Variants in IL1RAPL1 observed in about 807,000 individuals in gnomAD.
IL1RAPL1 encodes interleukin-1 receptor accessory protein-like 1.
A neutral mutation model predicts 48.4 loss-of-function variants in IL1RAPL1; 3 were observed. That is an observed-to-expected ratio of 0.06 (90% CI 0.03 to 0.16). IL1RAPL1 has a LOEUF of 0.16. IL1RAPL1 is among the 10% of genes least tolerant of loss of function. The pLI is 1.00. For synonymous variants in IL1RAPL1, 185 were observed against 187.7 expected, an observed-to-expected ratio of 0.99 and a Z score of 0.12; for missense variants, 349 against 530.6, an observed-to-expected ratio of 0.66 and a Z score of 3.36.
chrX:29,525,255 A>C (rs1019172611), intron 5 of IL1RAPL1, among the ~76,000 whole-genome samples: 1 of 112,270 alleles, frequency 8.9e-6, no homozygotes, highest in Non-Finnish European at 1.9e-5. Context: ...CGAATACCTT[A>C]CTGAATCTGA....
chrX:29,101,861 C>T (rs1057207921), intron 2 of IL1RAPL1, among the ~76,000 whole-genome samples: 5 of 111,308 alleles, frequency 4.5e-5, no homozygotes, highest in African/African-American at 9.8e-5. Flanking sequence ...TGCTTGAACC[C>T]GGGAGGCGGA....
intron 5 of IL1RAPL1, among the ~76,000 whole-genome samples, chrX:29,584,091 C>T (rs146063342): frequency 9.0e-6 from 1 of 111,449 alleles, no homozygotes; most frequent in African/African-American, 3.3e-5. Flanking sequence ...CTTCAGCCTA[C>T]AGCCCTGATC....
At chrX:28,913,659 C>G (rs1351783889) in intron 2 of IL1RAPL1, among the ~76,000 whole-genome samples, 3 of 110,896 alleles carry the variant, frequency 2.7e-5, no homozygotes, top group Non-Finnish European at 5.7e-5. Flanking sequence ...TCATTGCACT[C>G]CAGCCTGGGT....
At position 29,387,291 on chromosome X, in the gene IL1RAPL1, T is replaced by C. The variant is rs191565595; in HGVS notation, c.363-8967T>C. Among the ~76,000 whole-genome samples, 274 of 112,392 alleles carry C rather than the reference T, an allele frequency of 2.4e-3. 1 individual carries two copies. The highest frequency in any genetic ancestry group is 8.5e-3 in the African/African-American group (265 of 31,009). On this transcript the variant is annotated intron_variant, in intron 3 of 10. Coordinates refer to ENST00000378993, the MANE Select transcript of IL1RAPL1 (RefSeq NM_014271.4). ...TTATAGATGAAGAATATCTTGTTTT[T>C]CCAGATGCAGATAGTCTGTTATGTT... is the stretch of plus-strand genomic sequence containing the variant.
At chrX:28,834,806 A>G (rs1217269741) in intron 2 of IL1RAPL1, among the ~76,000 whole-genome samples, 1 of 111,359 alleles carries the variant, frequency 9.0e-6, no homozygotes, top group Non-Finnish European at 1.9e-5. Flanking sequence ...GGGAGCGGCC[A>G]ACTGGGGATT....
intron 1 of IL1RAPL1, among the ~76,000 whole-genome samples, chrX:28,612,363 A>G (rs1245495815): frequency 5.3e-5 from 6 of 112,328 alleles, no homozygotes. Context: ...GAAGAGGCCC[A>G]TAGAGGCCCT....
At chrX:29,365,744 AAAAG>A (rs1301679717) in intron 3 of IL1RAPL1, among the ~76,000 whole-genome samples, 1 of 109,735 alleles carries the variant, frequency 9.1e-6, no homozygotes, top group African/African-American at 3.3e-5. Context: ...ACTTTTTTAA[AAAAG>A]AAAGAAATGG....
At chrX:28,634,315 T>TTATA (rs201831285) in intron 1 of IL1RAPL1, among the ~76,000 whole-genome samples, 4 of 108,137 alleles carry the variant, frequency 3.7e-5, no homozygotes, top group African/African-American at 1.4e-4. Context: ...TTTTGGTTAT[T>TTATA]TATATATATA....
At chrX:29,395,108 G>A (rs1005505073) in intron 3 of IL1RAPL1, among the ~76,000 whole-genome samples, 3 of 111,521 alleles carry the variant, frequency 2.7e-5, no homozygotes, top group African/African-American at 6.5e-5. Context: ...CCTATGACAG[G>A]CCAAGCAGAT....
At chrX:28,792,816 AATAT>A (rs1555924328) in intron 2 of IL1RAPL1, among the ~76,000 whole-genome samples, 6 of 10,107 alleles carry the variant, frequency 5.9e-4, no homozygotes, top group Non-Finnish European at 1.1e-3. Flanking sequence ...AAAAAAAAAA[AATAT>A]ATATATATAT....
At chrX:29,388,627 A>G (rs1410336659) in intron 3 of IL1RAPL1, among the ~76,000 whole-genome samples, 1 of 112,409 alleles carries the variant, frequency 8.9e-6, no homozygotes, top group East Asian at 2.8e-4. Context: ...GATGCATACT[A>G]CAGCGTGGAT....
At chrX:29,708,043 A>T (rs1370229708) in intron 6 of IL1RAPL1, among the ~76,000 whole-genome samples, 1 of 111,296 alleles carries the variant, frequency 9.0e-6, no homozygotes, top group Non-Finnish European at 1.9e-5. Context: ...AATTTTCTAA[A>T]TTCTTCTTTT....
chrX:29,020,481 C>T (rs1926338779), intron 2 of IL1RAPL1, among the ~76,000 whole-genome samples: 1 of 112,425 alleles, frequency 8.9e-6, no homozygotes. Context: ...CTCACAGAGC[C>T]TAGGTATGTA....
chrX:29,093,301 G>T (rs2147457629), intron 2 of IL1RAPL1, among the ~76,000 whole-genome samples: 1 of 110,477 alleles, frequency 9.1e-6, no homozygotes, highest in South Asian at 3.9e-4. Context: ...AAGGTAAAGG[G>T]GTAGCAGGCA....
chrX:28,650,129 C>T (rs1934666633), intron 1 of IL1RAPL1, among the ~76,000 whole-genome samples: 1 of 111,707 alleles, frequency 9.0e-6, no homozygotes, highest in South Asian at 3.7e-4. Context: ...TTAAAATGAC[C>T]AATGCTTTCA....
chrX:29,319,554 GTATGTATCTATC>G (rs1468963934), intron 3 of IL1RAPL1, among the ~76,000 whole-genome samples: 1 of 84,947 alleles, frequency 1.2e-5, no homozygotes, highest in East Asian at 3.5e-4. Flanking sequence ...ATGTATGTAT[GTATGTATCTATC>G]TATCTATCTA....
chrX:28,781,869 C>T (rs1453972320), intron 1 of IL1RAPL1, among the ~76,000 whole-genome samples: 1 of 111,576 alleles, frequency 9.0e-6, no homozygotes, highest in Non-Finnish European at 1.9e-5. Flanking sequence ...TATCAGCATA[C>T]TTGTTTTACT....
chrX:29,576,842 T>G (rs1226995391), intron 5 of IL1RAPL1, among the ~76,000 whole-genome samples: 1 of 111,347 alleles, frequency 9.0e-6, no homozygotes, highest in Non-Finnish European at 1.9e-5. Context: ...TCTGGGGTTA[T>G]GAATTTAATT....
chrX:29,860,097 A>G (rs751178766), intron 6 of IL1RAPL1, among the ~76,000 whole-genome samples: 5 of 112,077 alleles, frequency 4.5e-5, no homozygotes, highest in South Asian at 3.7e-4. Context: ...CTGTTTATCA[A>G]TTATGACCAA....
Sources: gnomAD v4.1 joint callset for allele counts (sites outside exome capture counted in the v4.1 genomes callset) on GRCh38, gnomAD v4.1.1 for gene constraint, MANE v1.5 for transcripts, NCBI Gene and HGNC (gene_info 2026-07-23, HGNC 2026-07-21) for gene names.